TTC39B: variants seen among roughly 807,000 people sequenced by gnomAD.
TTC39B encodes the protein tetratricopeptide repeat domain 39B, also known as tetratricopeptide repeat protein 39B.
In TTC39B, 92 loss-of-function variants were observed where a neutral mutation model predicts 96.6. The ratio of observed to expected loss-of-function variants is 0.95; its 90% CI spans 0.80 to 1.13. TTC39B has a LOEUF of 1.13. Among genes scored for constraint, TTC39B ranks in the 50% most tolerant of loss-of-function variants. TTC39B has a pLI of 0.00. For missense variants in TTC39B, 955 were observed against 809.3 expected (o/e 1.18, Z -2.18); for synonymous variants, 367 against 299.4 (o/e 1.23, Z -2.33).
At chr9:15,300,649 G>A (rs958018203) in intron 1 of TTC39B, among the ~76,000 whole-genome samples, 1 of 152,134 alleles carries the variant, frequency 6.6e-6, no homozygotes, top group Non-Finnish European at 1.5e-5. Flanking sequence ...ACTTTGGGAG[G>A]CCAAGGCAGG....
At chr9:15,206,686 G>C (rs1203570782) in intron 6 of TTC39B, among the ~76,000 whole-genome samples, 1 of 152,050 alleles carries the variant, frequency 6.6e-6, no homozygotes, top group African/African-American at 2.4e-5. Context: ...AGTTTATTTA[G>C]ATATGAAAGT....
At chr9:15,173,703 A>C (rs1817778799) in intron 19 of TTC39B, among the ~76,000 whole-genome samples, 1 of 152,108 alleles carries the variant, frequency 6.6e-6, no homozygotes, top group African/African-American at 2.4e-5. Flanking sequence ...TGACTTCATC[A>C]CACGCCATTG....
chr9:15,299,554 A>T (rs1276350093), intron 1 of TTC39B, among the ~76,000 whole-genome samples: 1 of 152,120 alleles, frequency 6.6e-6, no homozygotes, highest in African/African-American at 2.4e-5. Flanking sequence ...AGTGCTGACT[A>T]AGGTGGTGGC....
At chr9:15,265,031 A>G (rs1439665249) in intron 2 of TTC39B, among the ~76,000 whole-genome samples, 2 of 152,158 alleles carry the variant, frequency 1.3e-5, no homozygotes. Flanking sequence ...CTTATTTGAC[A>G]AAGGAGGTAT....
chr9:15,218,728 T>A (rs1393787715), intron 3 of TTC39B, among the ~76,000 whole-genome samples: 1 of 152,060 alleles, frequency 6.6e-6, no homozygotes, highest in Non-Finnish European at 1.5e-5. Context: ...TAGTAATTAC[T>A]TTATAAGCTT....
chr9:15,200,149 A>G (rs1346962686), intron 7 of TTC39B, among the ~76,000 whole-genome samples: 1 of 152,184 alleles, frequency 6.6e-6, no homozygotes, highest in Non-Finnish European at 1.5e-5. Flanking sequence ...TACTTGTAAA[A>G]TCCTTCGATT....
chr9:15,174,504 G>C (rs1195259374), intron 19 of TTC39B, among the ~76,000 whole-genome samples: 1 of 152,184 alleles, frequency 6.6e-6, no homozygotes, highest in Non-Finnish European at 1.5e-5. Context: ...AGAAAAAACA[G>C]AGTCTGGGTA....
At chr9:15,199,087 T>G (rs10733291) in intron 8 of TTC39B, among the ~76,000 whole-genome samples, 99,507 of 151,964 alleles carry the variant, frequency 0.65, 32,895 homozygotes, top group East Asian at 0.88. Context: ...AAGGGATGAC[T>G]CCAGATTCAA....
chr9:15,167,418 A>C (rs1325718123), exon 20 of TTC39B: 3 of 151,882 alleles, frequency 2.0e-5, no homozygotes, highest in Non-Finnish European at 4.4e-5. Context: ...TAACAAAGCA[A>C]TGGAAAAGAT....
intron 1 of TTC39B, among the ~76,000 whole-genome samples, chr9:15,300,267 T>C (rs111562225): frequency 6.2e-4 from 94 of 152,258 alleles, no homozygotes; most frequent in African/African-American, 2.0e-3. Context: ...CTACTCCTTC[T>C]CCTTAGGGGA....
chr9:15,198,473 T>C (rs970757761), intron 8 of TTC39B, among the ~76,000 whole-genome samples: 1 of 145,924 alleles, frequency 6.9e-6, no homozygotes, highest in African/African-American at 2.6e-5. Flanking sequence ...TATATATATA[T>C]ATATATATAT....
chr9:15,205,478 C>T (rs1179511206), intron 6 of TTC39B, among the ~76,000 whole-genome samples: 1 of 151,552 alleles, frequency 6.6e-6, no homozygotes, highest in African/African-American at 2.4e-5. Context: ...GTTTAATTTA[C>T]AAAGAAGCAC....
At chr9:15,300,783 C>T (rs147186749) in intron 1 of TTC39B, among the ~76,000 whole-genome samples, 81 of 149,360 alleles carry the variant, frequency 5.4e-4, no homozygotes, top group African/African-American at 1.7e-3. Context: ...CTACTCGGAA[C>T]GCTGAGGCAG....
At position 15,267,908 on chromosome 9, in the gene TTC39B, A is replaced by G; in HGVS notation, c.275+6T>C. 1 of 1,606,842 alleles carries G rather than the reference A, an allele frequency of 6.2e-7. No homozygotes were observed. Among genetic ancestry groups the G allele is most frequent in the Non-Finnish European group, 8.5e-7 (1 of 1,176,882 alleles). On this transcript the variant is annotated splice_donor_region_variant and intron_variant, in intron 2 of 19. Transcript: ENST00000512701. ...ACTACATACTTTTTATTATGTTATT[A>G]CTTACATTGAGATGGTTTCCAAGGC... is the stretch of plus-strand genomic sequence containing the variant.
At chr9:15,244,484 G>C (rs1422547231) in intron 2 of TTC39B, among the ~76,000 whole-genome samples, 2 of 152,248 alleles carry the variant, frequency 1.3e-5, no homozygotes, top group East Asian at 1.9e-4. Flanking sequence ...CCCTCCCAGA[G>C]ATACCACGAG....
chr9:15,302,253 G>T (rs1824616567), intron 1 of TTC39B, among the ~76,000 whole-genome samples: 1 of 151,726 alleles, frequency 6.6e-6, no homozygotes, highest in Non-Finnish European at 1.5e-5. Context: ...TTGAGCCCGG[G>T]AGGCAGACGT....
intron 6 of TTC39B, among the ~76,000 whole-genome samples, chr9:15,204,707 C>A (rs1293055889): frequency 6.6e-6 from 1 of 152,076 alleles, no homozygotes; most frequent in Non-Finnish European, 1.5e-5. Flanking sequence ...AAGAAATGTC[C>A]TGCACGGCCA....
intron 8 of TTC39B, among the ~76,000 whole-genome samples, chr9:15,195,390 G>C (rs752566049): frequency 5.3e-5 from 8 of 152,184 alleles, no homozygotes; most frequent in Non-Finnish European, 1.2e-4. Flanking sequence ...AAAAAGTGCA[G>C]CCGGGCACGG....
intron 8 of TTC39B, 66 bp downstream of exon 8, chr9:15,199,795 C>G: frequency 3.1e-6 from 1 of 327,686 alleles, no homozygotes; most frequent in Admixed American, 4.8e-5. Context: ...TTTAGGAGAA[C>G]TGTGAAGAAC....
Sources: gnomAD v4.1 joint callset for allele counts (sites outside exome capture counted in the v4.1 genomes callset) on GRCh38, gnomAD v4.1.1 for gene constraint, MANE v1.5 for transcripts, NCBI Gene and HGNC (gene_info 2026-07-23, HGNC 2026-07-21) for gene names.